ADAM9: variants seen among roughly 807,000 people sequenced by gnomAD.
The protein encoded by ADAM9 is disintegrin and metalloproteinase domain-containing protein 9.
A neutral mutation model predicts 108.1 loss-of-function variants in ADAM9; 54 were observed. The observed-to-expected ratio is 0.50, with a 90% CI of 0.40 to 0.63. The LOEUF (loss-of-function observed/expected upper bound fraction) is 0.63, where lower values mean the gene tolerates loss of function less well. Ranked by LOEUF, ADAM9 falls within the 20% of genes least tolerant of loss-of-function variation. The pLI, the probability that ADAM9 is intolerant of heterozygous loss-of-function variation, is 0.00. For missense variants in ADAM9, 830 were observed against 997.7 expected, an observed-to-expected ratio of 0.83 and a Z score of 2.26; for synonymous variants, 316 against 336.0, an observed-to-expected ratio of 0.94 and a Z score of 0.65.
Position 39,055,769 on chromosome 8 carries a change from T to C in ADAM9, c.1588T>C (p.Ser530Pro), listed in dbSNP as rs751287441. 11 of 1,612,710 alleles carry C rather than the reference T, an allele frequency of 6.8e-6. No homozygotes were observed. The East Asian group carries it at 2.2e-4, about 33-fold the overall frequency. Residue 530 changes from serine to proline, a missense_variant, in exon 14 of 22, where the codon TCA becomes CCA. Ser to Pro is a moderately conservative substitution (Grantham distance 74, BLOSUM62 -1). Transcript: ENST00000487273. ...YDAQCQVIFG[S>P]KAKAAPKDCF... ...TGCTCAATGTCAAGTCATCTTTGGC[T>C]CAAGTAAGATATCATCATTTATAAT... is the stretch of plus-strand genomic sequence containing the variant.
At chr8:39,044,961 T>G (rs966683761) in intron 12 of ADAM9, among the ~76,000 whole-genome samples, 2 of 150,940 alleles carry the variant, frequency 1.3e-5, no homozygotes, top group Admixed American at 1.3e-4. Flanking sequence ...TGTATATGTG[T>G]GTGCACACAT....
chr8:39,057,033 G>T (rs1838146097), intron 14 of ADAM9, among the ~76,000 whole-genome samples: 1 of 152,094 alleles, frequency 6.6e-6, no homozygotes, highest in African/African-American at 2.4e-5. Flanking sequence ...GTTTAGATAT[G>T]TTTAGATACC....
intron 18 of ADAM9, among the ~76,000 whole-genome samples, chr8:39,083,819 T>G (rs566988789): frequency 1.2e-4 from 19 of 152,350 alleles, no homozygotes; most frequent in South Asian, 6.2e-4. Context: ...TGACATCATA[T>G]GCTTTTTTTC....
At chr8:39,014,417 T>G in intron 4 of ADAM9, 1 of 594,848 alleles carries the variant, frequency 1.7e-6, no homozygotes, top group Non-Finnish European at 3.0e-6. Context: ...TGATATTTAG[T>G]AAAGAAAAAC....
chr8:39,018,976 T>G, intron 7 of ADAM9, 58 bp downstream of exon 7: 1 of 1,438,046 alleles, frequency 7.0e-7, no homozygotes, highest in Non-Finnish European at 9.8e-7. Context: ...AAGTGAGCAT[T>G]TAATGAAGGA....
At chr8:39,025,026 G>A (rs1043727777) in intron 9 of ADAM9, among the ~76,000 whole-genome samples, 2 of 152,102 alleles carry the variant, frequency 1.3e-5, no homozygotes, top group African/African-American at 4.8e-5. Flanking sequence ...CAGGCGGAGG[G>A]AACAGGTGCT....
chr8:39,025,674 T>A, intron 9 of ADAM9, 129 bp from the exon 10 acceptor site: 1 of 796,290 alleles, frequency 1.3e-6, no homozygotes, highest in South Asian at 1.6e-5. Flanking sequence ...TTTTAGAATT[T>A]TTTTTTTTTG....
At position 38,996,989 on chromosome 8, in the gene ADAM9, C is replaced by A; in HGVS notation, c.-75C>A. On this transcript the variant is annotated 5_prime_UTR_variant, in exon 1 of 22. Transcript: ENST00000487273. ...TTCCCGGCCAGACTTGGGGCCCCGG[C>A]AGGGTTGGAAAATGATGGAAGAGGC... The A allele has an allele frequency of 1.3e-6, 2 of 1,549,930 alleles. No individual in the cohort carries two copies. Among genetic ancestry groups the A allele is most frequent in the Non-Finnish European group, 1.7e-6 (2 of 1,151,454 alleles).
Position 39,016,211 on chromosome 8 carries a change from A to G in ADAM9, c.410+17A>G. The G allele has an allele frequency of 6.2e-7, 1 of 1,605,384 alleles. No individual in the cohort carries two copies. The highest frequency in any genetic ancestry group is 8.5e-7 in the Non-Finnish European group (1 of 1,172,394). ...TGGACTCAGGTAAGCAATTTCCTTT[A>G]TCTTCTTTTTTTTTGTTTCCCCTAT... is the stretch of plus-strand genomic sequence containing the variant. On this transcript the variant is annotated intron_variant, in intron 5 of 21. Transcript: ENST00000487273.
chr8:39,050,716 T>C (rs544707492), intron 12 of ADAM9, among the ~76,000 whole-genome samples: 2 of 152,024 alleles, frequency 1.3e-5, no homozygotes, highest in East Asian at 1.9e-4. Context: ...TGCTGGAGCC[T>C]ATCAGTGTTC....
intron 11 of ADAM9, among the ~76,000 whole-genome samples, chr8:39,031,262 T>G (rs1228924190): frequency 6.6e-6 from 1 of 152,220 alleles, no homozygotes; most frequent in Non-Finnish European, 1.5e-5. Flanking sequence ...CTAGATTTAT[T>G]TATTTATTTT....
intron 2 of ADAM9, 141 bp from the exon 3 acceptor site, chr8:39,011,517 C>T: frequency 1.4e-6 from 1 of 709,924 alleles, no homozygotes; most frequent in Admixed American, 2.6e-5. Flanking sequence ...AGAATAGACA[C>T]AAAGTTCTTC....
intron 1 of ADAM9, among the ~76,000 whole-genome samples, chr8:38,998,817 A>G (rs56018450): frequency 0.42 from 63,110 of 151,998 alleles, 13,795 homozygotes; most frequent in East Asian, 0.72. Flanking sequence ...AAAAATGTCA[A>G]TATGTCTTCA....
rs116990782 is a variant in ADAM9 at position 39,092,582 on chromosome 8, T to C, written c.2298+1236T>C. 6.0e-3 allele frequency among the ~76,000 whole-genome samples: 920 copies of C among 152,296 alleles called. 7 individuals are homozygous for C. Among genetic ancestry groups the C allele is most frequent in the Non-Finnish European group, 0.011 (722 of 68,010 alleles). On this transcript the variant is annotated intron_variant, in intron 20 of 21. Coordinates refer to ENST00000487273, the MANE Select transcript of ADAM9 (RefSeq NM_003816.3). ...GTTTTGGCAAAATATATATAAAATT[T>C]GCCATTTTAACCATTGTTTTCAAGA...
chr8:39,000,690 C>T (rs540480275), intron 1 of ADAM9, among the ~76,000 whole-genome samples: 44 of 152,192 alleles, frequency 2.9e-4, no homozygotes, highest in African/African-American at 1.0e-3. Flanking sequence ...TGGTCTCGAA[C>T]TCCTGGGCTC....
At chr8:39,053,398 CCA>C in intron 12 of ADAM9, among the ~76,000 whole-genome samples, 1 of 152,082 alleles carries the variant, frequency 6.6e-6, no homozygotes, top group Non-Finnish European at 1.5e-5. Flanking sequence ...CTTGCCTGCT[CCA>C]CAGTTGCAAA....
At chr8:39,007,350 A>G (rs1432167520) in intron 1 of ADAM9, among the ~76,000 whole-genome samples, 3 of 152,202 alleles carry the variant, frequency 2.0e-5, no homozygotes, top group Non-Finnish European at 4.4e-5. Flanking sequence ...ACCTCCCAAC[A>G]CTGGCACACT....
intron 20 of ADAM9, among the ~76,000 whole-genome samples, chr8:39,099,097 C>T (rs914373932): frequency 4.6e-5 from 7 of 152,128 alleles, no homozygotes; most frequent in Middle Eastern, 3.2e-3. Flanking sequence ...AGTATCACCA[C>T]GGGCCTTCCT....
chr8:39,092,324 A>G lies in ADAM9; in HGVS notation c.2298+978A>G, dbSNP rs146988574. Among the ~76,000 whole-genome samples, 267 of 132,854 alleles carry G rather than the reference A, an allele frequency of 2.0e-3. 2 individuals carry two copies. The highest frequency in any genetic ancestry group is 7.6e-3 in the Middle Eastern group (2 of 264). 87.2% of individuals were successfully genotyped at this position (132,854 alleles called of 152,430 possible). The stretch of plus-strand genomic sequence containing the variant: ...GATTAGAAATCCTTCATTTTTTAAT[A>G]TATTTATACACACACACACACACAC... On this transcript the variant is annotated intron_variant, in intron 20 of 21. Coordinates refer to ENST00000487273, the MANE Select transcript of ADAM9 (RefSeq NM_003816.3).
Sources: allele counts gnomAD v4.1 joint callset (sites outside exome capture counted in the v4.1 genomes callset), GRCh38; gene constraint gnomAD v4.1.1; transcripts MANE v1.5; gene names NCBI Gene and HGNC (gene_info 2026-07-23, HGNC 2026-07-21).